The following SERF2 variants were observed in gnomAD, a reference collection of about 807,000 sequenced individuals.
SERF2 encodes small EDRK-rich factor 2.
A neutral mutation model predicts 10.7 loss-of-function variants in SERF2; 4 were observed. The observed-to-expected ratio is 0.37, with a 90% CI of 0.18 to 0.86. The LOEUF (loss-of-function observed/expected upper bound fraction) is 0.86, where lower values mean the gene tolerates loss of function less well. Among genes scored for constraint, SERF2 ranks in the 40% least tolerant of loss-of-function variants. The pLI, the probability that SERF2 is intolerant of heterozygous loss-of-function variation, is 0.43. For synonymous variants in SERF2, 26 were observed against 26.0 expected, an observed-to-expected ratio of 1.00 and a Z score of 0.01; for missense variants, 47 against 79.1, an observed-to-expected ratio of 0.59 and a Z score of 1.54.
intron 1 of SERF2, among the ~76,000 whole-genome samples, chr15:43,780,208 T>C (rs11852840): frequency 0.19 from 28,466 of 152,076 alleles, 3,936 homozygotes; most frequent in African/African-American, 0.38. Flanking sequence ...GGTGCGATCT[T>C]GGCTCACTGC....
rs773710636 is a variant in SERF2 at position 43,794,985 on chromosome 15, G to A, written c.*1212G>A. On this transcript the variant is annotated 3_prime_UTR_variant, in exon 3 of 3. Transcript: ENST00000249786. ...GGAGTACAATGTCAGGGGAACCCCA[G>A]TTTGTGAAAAGGACTTAGACTGGAG... 17 of 1,595,204 alleles carry A rather than the reference G, an allele frequency of 1.1e-5. No homozygotes were observed. The South Asian group carries it at 1.6e-4, about 15-fold the overall frequency.
At position 43,794,007 on chromosome 15, in the gene SERF2, T is replaced by C; in HGVS notation, c.*234T>C. 6.8e-7 allele frequency: 1 copy of C among 1,476,086 alleles called. No homozygotes were observed. Among genetic ancestry groups the C allele is most frequent in the Non-Finnish European group, 9.0e-7 (1 of 1,114,274 alleles). The allele number at this position is 1,476,086 out of a possible 1,614,324, so 91.4% of individuals were successfully genotyped here. A position where few individuals can be genotyped will look rare whatever the true frequency, so the allele number is the denominator to read the frequency against. ...CCCTTCCCAGTGTTTTTTATTCCTG[T>C]GGGGCTCACCCCAAAGTATTAAAAG... On this transcript the variant is annotated 3_prime_UTR_variant, in exon 3 of 3. Transcript: ENST00000249786.
At position 43,794,855 on chromosome 15, in the gene SERF2, ACTT is replaced by A. The variant is rs920763946; in HGVS notation, c.*1087_*1089del. The A allele has an allele frequency of 6.0e-6, 4 of 664,364 alleles. No individual in the cohort carries two copies. In the African/African-American group the frequency reaches 7.2e-5, roughly 12 times the overall value. The allele number at this position is 664,364 out of a possible 1,614,324, so 41.2% of individuals were successfully genotyped here. ...CCAGCACATTAGACTGTGTTTGACC[ACTT>A]CTTCCAGTTCATAGTATTGACTTCA... On this transcript the variant is annotated 3_prime_UTR_variant, in exon 3 of 3. Transcript: ENST00000249786.
Position 43,795,278 on chromosome 15 carries a change from C to G in SERF2, c.*1505C>G. 3.1e-6 allele frequency: 5 copies of G among 1,592,588 alleles called. No individual in the cohort carries two copies. The highest frequency in any genetic ancestry group is 2.2e-5 in the East Asian group (1 of 44,748). The stretch of plus-strand genomic sequence containing the variant: ...CTTAGCTTTTAGACCTGTTCTACCT[C>G]CTCACCAAATATAATGGCAGACCCA... On this transcript the variant is annotated 3_prime_UTR_variant, in exon 3 of 3. Coordinates refer to ENST00000249786, the MANE Select transcript of SERF2 (RefSeq NM_001018108.4).
In SERF2 at chr15:43,795,978, T is replaced by A; in HGVS notation, c.*2205T>A. 1.5e-6 allele frequency: 1 copy of A among 649,850 alleles called. No homozygotes were observed. The highest frequency in any genetic ancestry group is 1.9e-5 in the South Asian group (1 of 51,828). 40.3% of individuals were successfully genotyped at this position (649,850 alleles called of 1,614,324 possible). A position where few individuals can be genotyped will look rare whatever the true frequency, so the allele number is the denominator to read the frequency against. ...TACCTCACAGGGTTGTTGTGAGGGT[T>A]AAATTAAATGAGATTATGTAAAAGT... On this transcript the variant is annotated 3_prime_UTR_variant, in exon 3 of 3. Coordinates refer to ENST00000249786, the MANE Select transcript of SERF2 (RefSeq NM_001018108.4).
At chr15:43,780,737 A>C (rs1033776052) in intron 1 of SERF2, among the ~76,000 whole-genome samples, 8 of 152,114 alleles carry the variant, frequency 5.3e-5, no homozygotes, top group African/African-American at 1.9e-4. Flanking sequence ...GAATAATGAC[A>C]ATCAGAACAT....
At chr15:43,792,804 C>G in intron 1 of SERF2, 171 bp from the exon 2 acceptor site, 1 of 674,324 alleles carries the variant, frequency 1.5e-6, no homozygotes, top group African/African-American at 1.8e-5. Context: ...TGGCCCGTGG[C>G]AGATTCGCCA....
In SERF2 at chr15:43,792,428, C is replaced by T. The variant is rs549042183; in HGVS notation, c.7+45C>T. On this transcript the variant is annotated intron_variant, in intron 1 of 2. Transcript: ENST00000249786. ...CTCCTTGCCCTTTTCTTTCCGTTCACCCTAAACACCACCGGCGAGGCGCCG... is the reference window on the plus strand; with the variant it reads ...CTCCTTGCCCTTTTCTTTCCGTTCATCCTAAACACCACCGGCGAGGCGCCG... 195 of 1,613,816 alleles carry T rather than the reference C, an allele frequency of 1.2e-4. No homozygotes were observed. In the South Asian group the frequency reaches 2.0e-3, roughly 16 times the overall value.
At chr15:43,793,194 C>T in intron 2 of SERF2, 111 bp downstream of exon 2, 3 of 678,470 alleles carry the variant, frequency 4.4e-6, no homozygotes, top group Non-Finnish European at 7.9e-6. Flanking sequence ...TCGTGAGGAG[C>T]AGAGTGCATT....
upstream of SERF2, among the ~76,000 whole-genome samples, chr15:43,791,082 T>C (rs1299024892): frequency 6.9e-6 from 1 of 144,992 alleles, no homozygotes; most frequent in Non-Finnish European, 1.5e-5. Flanking sequence ...TTATTAACTC[T>C]TTTTTTTTTG....
chr15:43,795,262 T>C lies in SERF2; in HGVS notation c.*1489T>C. The stretch of plus-strand genomic sequence containing the variant: ...AGAGAATATGAAGGGCCTTAGCTTT[T>C]AGACCTGTTCTACCTCCTCACCAAA... On this transcript the variant is annotated 3_prime_UTR_variant, in exon 3 of 3. Coordinates refer to ENST00000249786, the MANE Select transcript of SERF2 (RefSeq NM_001018108.4). 6.2e-7 allele frequency: 1 copy of C among 1,603,030 alleles called. No homozygotes were observed. Among genetic ancestry groups the C allele is most frequent in the Non-Finnish European group, 8.5e-7 (1 of 1,170,188 alleles).
At chr15:43,785,528 A>T (rs1184797603) in exon 2 of SERF2, 1 of 151,842 alleles carries the variant, frequency 6.6e-6, no homozygotes, top group Non-Finnish European at 1.5e-5. Flanking sequence ...GTAGCTAAGG[A>T]CTACAGGTGC....
intron 1 of SERF2, among the ~76,000 whole-genome samples, chr15:43,783,100 C>T (rs1012606516): frequency 6.6e-5 from 10 of 150,934 alleles, no homozygotes; most frequent in Admixed American, 6.6e-5. Flanking sequence ...CTCCACCTCC[C>T]GGGTTCAAGC....
At chr15:43,783,766 A>AT (rs879841830) in intron 1 of SERF2, among the ~76,000 whole-genome samples, 103 of 143,258 alleles carry the variant, frequency 7.2e-4, no homozygotes, top group Middle Eastern at 3.5e-3. Flanking sequence ...TATCTGGCTA[A>AT]TTTTTTTTTT....
chr15:43,793,688 G>A (rs1302795351), intron 2 of SERF2, 22 bp from the exon 3 acceptor site: 1 of 1,614,080 alleles, frequency 6.2e-7, no homozygotes. Context: ...ACCTCCCAGT[G>A]CCCCATCATC....
intron 1 of SERF2, among the ~76,000 whole-genome samples, chr15:43,778,828 A>G (rs529712722): frequency 3.3e-5 from 5 of 152,118 alleles, no homozygotes; most frequent in African/African-American, 9.6e-5. Flanking sequence ...CTTGAGCCCC[A>G]GAGGTGAATG....
rs758458926 is a variant in SERF2, at chr15:43,793,869, C to T, written c.*96C>T. 2 of 1,611,408 alleles carry T rather than the reference C, an allele frequency of 1.2e-6. No individual in the cohort carries two copies. Among genetic ancestry groups the T allele is most frequent in the Non-Finnish European group, 8.5e-7 (1 of 1,178,698 alleles). ...TTTCCTCCTGTAGTGCTCACAGGTC[C>T]CAGCACCGATGGCATTCCCTTTGCC... is the stretch of plus-strand genomic sequence containing the variant. On this transcript the variant is annotated 3_prime_UTR_variant, in exon 3 of 3. Coordinates refer to ENST00000249786, the MANE Select transcript of SERF2 (RefSeq NM_001018108.4).
chr15:43,795,523 G>GC lies in SERF2; in HGVS notation c.*1751dup. 1 of 1,614,136 alleles carries GC rather than the reference G, an allele frequency of 6.2e-7. No homozygotes were observed. The highest frequency in any genetic ancestry group is 8.5e-7 in the Non-Finnish European group (1 of 1,180,024). ...AGGGGTTTCTTGGTCAGCTGGCCTCGCAGCCCCACCCCTTTGCCCTGGAGA... is the reference window on the plus strand; with the variant it reads ...AGGGGTTTCTTGGTCAGCTGGCCTCGCCAGCCCCACCCCTTTGCCCTGGAGA... On this transcript the variant is annotated 3_prime_UTR_variant, in exon 3 of 3. Coordinates refer to ENST00000249786, the MANE Select transcript of SERF2 (RefSeq NM_001018108.4).
Position 43,795,472 on chromosome 15 carries a change from T to C in SERF2, c.*1699T>C. On this transcript the variant is annotated 3_prime_UTR_variant, in exon 3 of 3. Coordinates refer to ENST00000249786, the MANE Select transcript of SERF2 (RefSeq NM_001018108.4). ...GAAGGCAGAATAGTTGTAGGAAAGA[T>C]GCTGGACTTGGACTGGAGGAGCTGG... The C allele has an allele frequency of 6.2e-7, 1 of 1,614,158 alleles. No homozygotes were observed. The highest frequency in any genetic ancestry group is 8.5e-7 in the Non-Finnish European group (1 of 1,180,032).
Sources: allele counts gnomAD v4.1 joint callset (sites outside exome capture counted in the v4.1 genomes callset), GRCh38; gene constraint gnomAD v4.1.1; transcripts MANE v1.5; gene names NCBI Gene and HGNC (gene_info 2026-07-23, HGNC 2026-07-21).